DNAJC15: variants seen among roughly 807,000 people sequenced by gnomAD.
DNAJC15 encodes the protein dnaJ homolog subfamily C member 15.
In DNAJC15, 27 loss-of-function variants were observed where a neutral mutation model predicts 22.4. The observed-to-expected ratio is 1.20, with a 90% confidence interval of 0.89 to 1.66. The LOEUF is 1.66. Ranked by LOEUF, DNAJC15 falls within the 40% of genes most tolerant of loss-of-function variation. The pLI, the probability that DNAJC15 is intolerant of heterozygous loss-of-function variation, is 0.00. For missense variants in DNAJC15, 208 were observed against 187.1 expected (o/e 1.11, Z -0.65); for synonymous variants, 79 against 63.2 (o/e 1.25, Z -1.19).
intron 1 of DNAJC15, among the ~76,000 whole-genome samples, chr13:43,055,636 T>A (rs1258901807): frequency 6.6e-6 from 1 of 152,230 alleles, no homozygotes; most frequent in Non-Finnish European, 1.5e-5. Context: ...TCTTGGTTAA[T>A]CTAAGGGTCT....
intron 1 of DNAJC15, among the ~76,000 whole-genome samples, chr13:43,038,743 G>T (rs1443244866): frequency 6.7e-6 from 1 of 148,162 alleles, no homozygotes; most frequent in Non-Finnish European, 1.5e-5. Context: ...AGTGAGCTGA[G>T]ATTGCAGCAC....
chr13:43,070,486 A>G (rs2040603486), intron 3 of DNAJC15, among the ~76,000 whole-genome samples: 1 of 152,138 alleles, frequency 6.6e-6, no homozygotes, highest in South Asian at 2.1e-4. Flanking sequence ...GATATATAAT[A>G]CCTAAAAGTG....
chr13:43,049,816 A>G (rs1415700582), intron 1 of DNAJC15, among the ~76,000 whole-genome samples: 6 of 152,336 alleles, frequency 3.9e-5, no homozygotes, highest in East Asian at 1.9e-4. Flanking sequence ...AGAAATACCA[A>G]TGGCTTTTTA....
At chr13:43,093,459 A>G (rs935306267) in intron 5 of DNAJC15, among the ~76,000 whole-genome samples, 2 of 152,096 alleles carry the variant, frequency 1.3e-5, no homozygotes, top group African/African-American at 4.8e-5. Context: ...TGCCCAGGCT[A>G]GAGTGCAGTG....
chr13:43,049,218 C>T (rs896260000), intron 1 of DNAJC15, among the ~76,000 whole-genome samples: 2 of 152,148 alleles, frequency 1.3e-5, no homozygotes, highest in Non-Finnish European at 2.9e-5. Flanking sequence ...AGTTGTGGTA[C>T]CAACACTATG....
At chr13:43,103,826 A>G (rs1053569842) in intron 5 of DNAJC15, among the ~76,000 whole-genome samples, 5 of 152,134 alleles carry the variant, frequency 3.3e-5, no homozygotes, top group Non-Finnish European at 5.9e-5. Flanking sequence ...CTTATTAGGT[A>G]TATTCAGATT....
intron 2 of DNAJC15, among the ~76,000 whole-genome samples, chr13:43,068,406 T>A (rs1197008210): frequency 6.6e-6 from 1 of 152,112 alleles, no homozygotes; most frequent in Non-Finnish European, 1.5e-5. Flanking sequence ...ATAATTAACA[T>A]CCTTGGTAAG....
chr13:43,049,722 T>C (rs1186272174), intron 1 of DNAJC15, among the ~76,000 whole-genome samples: 2 of 152,208 alleles, frequency 1.3e-5, no homozygotes, highest in African/African-American at 4.8e-5. Context: ...AACTAGTTTC[T>C]TTTTCCTGTT....
At chr13:43,089,151 A>G (rs151154330) in intron 5 of DNAJC15, among the ~76,000 whole-genome samples, 220 of 152,352 alleles carry the variant, frequency 1.4e-3, no homozygotes, top group African/African-American at 5.1e-3. Flanking sequence ...GTAAAACAGA[A>G]TTGGTAGTGA....
chr13:43,035,164 T>A (rs2040423731), intron 1 of DNAJC15, among the ~76,000 whole-genome samples: 1 of 152,194 alleles, frequency 6.6e-6, no homozygotes, highest in Non-Finnish European at 1.5e-5. Flanking sequence ...CTTTTGTGTT[T>A]GTTTAGTTTG....
intron 1 of DNAJC15, among the ~76,000 whole-genome samples, chr13:43,027,125 C>CT (rs2040384074): frequency 6.6e-6 from 1 of 152,158 alleles, no homozygotes; most frequent in African/African-American, 2.4e-5. Flanking sequence ...AGAAAAGAAA[C>CT]TTTAAGAGAT....
intron 1 of DNAJC15, among the ~76,000 whole-genome samples, chr13:43,056,143 T>G (rs1593316373): frequency 6.6e-6 from 1 of 151,878 alleles, no homozygotes; most frequent in East Asian, 1.9e-4. Flanking sequence ...TTATTGAGAC[T>G]TGTTTTTTAA....
At chr13:43,063,259 C>T (rs1044758215) in intron 1 of DNAJC15, among the ~76,000 whole-genome samples, 2 of 152,244 alleles carry the variant, frequency 1.3e-5, no homozygotes, top group Non-Finnish European at 2.9e-5. Context: ...ATCTGCCCGT[C>T]TTGGCCTCCC....
At chr13:43,062,429 G>A (rs575530578) in intron 1 of DNAJC15, among the ~76,000 whole-genome samples, 85 of 152,322 alleles carry the variant, frequency 5.6e-4, no homozygotes, top group South Asian at 1.2e-3. Context: ...ATAAGGCAAG[G>A]CAGAGATGCA....
chr13:43,051,415 T>C (rs2040502444), intron 1 of DNAJC15, among the ~76,000 whole-genome samples: 1 of 152,174 alleles, frequency 6.6e-6, no homozygotes. Flanking sequence ...CTTTTATCCC[T>C]CGCTCCCACC....
intron 1 of DNAJC15, among the ~76,000 whole-genome samples, chr13:43,040,776 G>C (rs188912088): frequency 6.6e-6 from 1 of 152,268 alleles, no homozygotes; most frequent in Admixed American, 6.5e-5. Context: ...AGGATAATGA[G>C]AGAAAGTCAG....
At chr13:43,034,604 C>G (rs140886513) in intron 1 of DNAJC15, among the ~76,000 whole-genome samples, 2 of 126,180 alleles carry the variant, frequency 1.6e-5, no homozygotes, top group African/African-American at 6.1e-5. Flanking sequence ...CGTGAGCCAC[C>G]GCACCCAGCC....
At chr13:43,104,660 A>G in intron 5 of DNAJC15, among the ~76,000 whole-genome samples, 1 of 148,150 alleles carries the variant, frequency 6.7e-6, no homozygotes. Context: ...GAAGAGTGTT[A>G]TTTTTTTTGT....
At chr13:43,039,893 C>T (rs990038103) in intron 1 of DNAJC15, among the ~76,000 whole-genome samples, 2 of 152,172 alleles carry the variant, frequency 1.3e-5, no homozygotes, top group South Asian at 2.1e-4. Context: ...GTGGCGTGTA[C>T]CTGTAGTCCC....
Sources: allele counts gnomAD v4.1 joint callset (sites outside exome capture counted in the v4.1 genomes callset), GRCh38; gene constraint gnomAD v4.1.1; transcripts MANE v1.5; gene names NCBI Gene and HGNC (gene_info 2026-07-23, HGNC 2026-07-21).